The following TRIOBP variants were observed in gnomAD, a reference collection of about 807,000 sequenced individuals.
TRIOBP encodes TRIO and F-actin-binding protein.
Under a neutral mutation model 238.8 loss-of-function variants are expected in TRIOBP, and 169 were observed. The observed-to-expected ratio is 0.71, with a 90% CI of 0.62 to 0.80. TRIOBP has a LOEUF of 0.80. TRIOBP is among the 30% of genes least tolerant of loss of function. The probability of loss-of-function intolerance (pLI) is 0.00; values close to 1 mark genes in which losing one functional copy is unlikely to be tolerated. For synonymous variants in TRIOBP, 1,150 were observed against 1,274.4 expected (o/e 0.90, Z 2.08); for missense variants, 2,838 against 3,122.6 (o/e 0.91, Z 2.17).
chr22:37,724,735 C>G lies in TRIOBP; in HGVS notation c.2179C>G (p.Arg727Gly), dbSNP rs1270705836. The G allele has an allele frequency of 4.3e-6, 7 of 1,611,512 alleles. No homozygotes were observed. The African/African-American group carries it at 9.4e-5, about 22-fold the overall frequency. ...QENPRTSCAR[R>G]DNPRASSRNR... is the part of the protein sequence containing the mutation. ...GAACCCCAGAACATCCTGTGCCCGACGGGACAATCCCAGAGCCTCCTCTCG... is the reference window on the plus strand; with the variant it reads ...GAACCCCAGAACATCCTGTGCCCGAGGGGACAATCCCAGAGCCTCCTCTCG... Residue 727 changes from arginine to glycine, a missense_variant, in exon 7 of 24, where the codon CGG becomes GGG. By Grantham distance (125) the Arg-to-Gly change is moderately radical. Coordinates refer to ENST00000644935, the MANE Select transcript of TRIOBP (RefSeq NM_001039141.3).
chr22:37,729,790 T>C (rs1601635993), intron 7 of TRIOBP, among the ~76,000 whole-genome samples: 1 of 152,372 alleles, frequency 6.6e-6, no homozygotes, highest in East Asian at 1.9e-4. Flanking sequence ...TTAAAATTTT[T>C]CCTCTTATCT....
intron 3 of TRIOBP, among the ~76,000 whole-genome samples, chr22:37,704,932 G>A (rs1281441603): frequency 6.6e-6 from 1 of 151,388 alleles, no homozygotes; most frequent in Non-Finnish European, 1.5e-5. Flanking sequence ...AATTAGCCAG[G>A]CAGGATGGTG....
At chr22:37,746,268 C>T (rs1449066650) in intron 11 of TRIOBP, 13 of 1,073,564 alleles carry the variant, frequency 1.2e-5, no homozygotes, top group Non-Finnish European at 1.5e-5. Flanking sequence ...GGGGCAGCGT[C>T]GGGGAAAGGA....
chr22:37,716,690 T>C (rs1256728625), intron 6 of TRIOBP, among the ~76,000 whole-genome samples: 1 of 152,244 alleles, frequency 6.6e-6, no homozygotes, highest in African/African-American at 2.4e-5. Flanking sequence ...CCACTATGCC[T>C]GGCCTTAGCC....
intron 11 of TRIOBP, chr22:37,746,353 G>T (rs927274028): frequency 2.5e-6 from 3 of 1,206,090 alleles, no homozygotes; most frequent in Admixed American, 8.5e-5. Context: ...GCGCCGCGGA[G>T]CCCGGCCCGA....
chr22:37,757,211 A>G (rs778466172), intron 15 of TRIOBP, among the ~76,000 whole-genome samples: 14 of 152,092 alleles, frequency 9.2e-5, no homozygotes, highest in Non-Finnish European at 1.5e-4. Context: ...AAAATTTAAA[A>G]AATTAGCTGG....
chr22:37,769,125 G>C lies in TRIOBP; in HGVS notation c.6673G>C (p.Glu2225Gln). ...EIGALMRQAEEREHTLRRCQQ... is the reference protein window; with the variant it reads ...EIGALMRQAEQREHTLRRCQQ... ...TGGGGCACTCATGCGGCAGGCTGAGGAGCGCGAGCACACGCTGCGCCGCTG... is the reference window on the plus strand; with the variant it reads ...TGGGGCACTCATGCGGCAGGCTGAGCAGCGCGAGCACACGCTGCGCCGCTG... The change falls in exon 20 of 24, where the codon GAG (glutamate) becomes CAG (glutamine). Residue 2225 changes from glutamate (E) to glutamine (Q), a missense_variant. Around this residue, in one of 5 missense-constraint regions of TRIOBP, gnomAD observed 2,096 missense variants for 2,137.4 expected, o/e 0.98. Transcript: ENST00000644935. 1 of 1,613,192 alleles carries C rather than the reference G, an allele frequency of 6.2e-7. No individual in the cohort carries two copies. Among genetic ancestry groups the C allele is most frequent in the Non-Finnish European group, 8.5e-7 (1 of 1,179,962 alleles).
intron 5 of TRIOBP, 129 bp downstream of exon 5, chr22:37,713,540 A>G: frequency 8.2e-7 from 1 of 1,216,138 alleles, no homozygotes; most frequent in Non-Finnish European, 1.2e-6. Context: ...CCTCTGGACC[A>G]TTAGCTGGCA....
intron 11 of TRIOBP, among the ~76,000 whole-genome samples, chr22:37,747,187 A>C (rs921723448): frequency 2.0e-5 from 3 of 149,744 alleles, no homozygotes; most frequent in Non-Finnish European, 4.5e-5. Context: ...TCACAGCCAG[A>C]TAAACTGAGG....
intron 6 of TRIOBP, among the ~76,000 whole-genome samples, chr22:37,721,411 A>G (rs1456771022): frequency 1.3e-5 from 2 of 152,172 alleles, no homozygotes; most frequent in Non-Finnish European, 2.9e-5. Flanking sequence ...GCAAAGGGAG[A>G]GGACAGGGGA....
chr22:37,718,188 C>T (rs1015004741), intron 6 of TRIOBP, among the ~76,000 whole-genome samples: 2 of 152,236 alleles, frequency 1.3e-5, no homozygotes, highest in Non-Finnish European at 2.9e-5. Flanking sequence ...CCCACAAGCG[C>T]CGCGCGCAGC....
At chr22:37,763,936 C>T (rs986351378) in intron 17 of TRIOBP, among the ~76,000 whole-genome samples, 4 of 152,242 alleles carry the variant, frequency 2.6e-5, no homozygotes, top group Admixed American at 6.5e-5. Flanking sequence ...GGTGGCCGTC[C>T]GCGTCCCTTG....
chr22:37,742,191 TCAGG>T (rs1924966909), intron 11 of TRIOBP, among the ~76,000 whole-genome samples: 1 of 150,960 alleles, frequency 6.6e-6, no homozygotes, highest in Non-Finnish European at 1.5e-5. Context: ...ACTCCCGACC[TCAGG>T]TAATCCGCCC....
At chr22:37,749,382 T>G (rs1457321924) in intron 11 of TRIOBP, among the ~76,000 whole-genome samples, 2 of 152,060 alleles carry the variant, frequency 1.3e-5, no homozygotes, top group Non-Finnish European at 2.9e-5. Context: ...GAGCCGTCCC[T>G]GGAACTGTTA....
intron 7 of TRIOBP, among the ~76,000 whole-genome samples, chr22:37,729,862 AGT>A (rs1174495099): frequency 6.6e-6 from 1 of 152,194 alleles, no homozygotes; most frequent in Non-Finnish European, 1.5e-5. Flanking sequence ...AAAACTGTGC[AGT>A]GTGTGTGTAA....
In TRIOBP at chr22:37,716,027, T is replaced by TA. The variant is rs148078870; in HGVS notation, c.628+94dup. ...GCCATTTGGGACTCTGGGCACGGCT[T>TA]ACTTTGGTGGCCTGAGTGTTAATAA... On this transcript the variant is annotated intron_variant, in intron 6 of 23. Coordinates refer to ENST00000644935, the MANE Select transcript of TRIOBP (RefSeq NM_001039141.3). 3,368 of 1,413,044 alleles carry TA rather than the reference T, an allele frequency of 2.4e-3. 65 individuals are homozygous for TA. The African/African-American group carries it at 0.042, about 18-fold the overall frequency. 87.5% of individuals were successfully genotyped at this position (1,413,044 alleles called of 1,614,324 possible). A position where few individuals can be genotyped will look rare whatever the true frequency, so the allele number is the denominator to read the frequency against.
In TRIOBP at chr22:37,713,523, A is replaced by G; in HGVS notation, c.456+112A>G. ...GCTGAGCCTCACACCAGGGAATCCG[A>G]CGAGGTCCTCTGGACCATTAGCTGG... On this transcript the variant is annotated intron_variant, in intron 5 of 23. Coordinates refer to ENST00000644935, the MANE Select transcript of TRIOBP (RefSeq NM_001039141.3). 7 of 1,365,258 alleles carry G rather than the reference A, an allele frequency of 5.1e-6. No individual in the cohort carries two copies. The South Asian group carries it at 8.2e-5, about 16-fold the overall frequency. 84.6% of individuals were successfully genotyped at this position (1,365,258 alleles called of 1,614,324 possible).
Position 37,725,914 on chromosome 22 carries a change from C to G in TRIOBP, c.3358C>G (p.Pro1120Ala), listed in dbSNP as rs1924124311. The stretch of plus-strand genomic sequence containing the variant: ...TGTGTGTATTGGGTACCGAGATGCA[C>G]CCCGGGCCTCCTCCCCACCACGCCA... Reference protein sequence around the residue: ...APVCIGYRDAPRASSPPRQAP... With the variant: ...APVCIGYRDAARASSPPRQAP... The change falls in exon 7 of 24, where the codon CCC (proline) becomes GCC (alanine). Residue 1120 changes from proline (P) to alanine (A), a missense_variant. Pro to Ala is a conservative substitution (Grantham distance 27). Transcript: ENST00000644935. The G allele has an allele frequency of 6.2e-7, 1 of 1,613,580 alleles. No homozygotes were observed. Among genetic ancestry groups the G allele is most frequent in the Non-Finnish European group, 8.5e-7 (1 of 1,179,932 alleles).
chr22:37,767,318 A>G (rs1366742492), intron 18 of TRIOBP, among the ~76,000 whole-genome samples: 2 of 149,268 alleles, frequency 1.3e-5, no homozygotes, highest in African/African-American at 5.0e-5. Context: ...AAAAAAAAGA[A>G]AGAAAAAAAG....
Sources: gnomAD v4.1 joint callset for allele counts (sites outside exome capture counted in the v4.1 genomes callset) on GRCh38, gnomAD v4.1.1 for gene constraint, gnomAD v4.1.1 regional missense constraint, MANE v1.5 for transcripts, NCBI Gene and HGNC (gene_info 2026-07-23, HGNC 2026-07-21) for gene names.